The following KBTBD11 variants were observed in gnomAD, a reference collection of about 807,000 sequenced individuals.
KBTBD11 encodes kelch repeat and BTB domain-containing protein 11.
For synonymous variants in KBTBD11, 747 were observed against 499.0 expected (o/e 1.50, Z -6.63); for missense variants, 1,390 against 1,001.8 (o/e 1.39, Z -5.23).
At chr8:1,997,782 G>C (rs1392107811) in intron 1 of KBTBD11, among the ~76,000 whole-genome samples, 1 of 152,254 alleles carries the variant, frequency 6.6e-6, no homozygotes, top group Non-Finnish European at 1.5e-5. Flanking sequence ...CTCCCAGTGA[G>C]AGTGCGACGC....
At position 2,001,169 on chromosome 8, in the gene KBTBD11, GGCGCA is replaced by G. The variant is rs887296411; in HGVS notation, c.-16_-12del. On this transcript the variant is annotated 5_prime_UTR_variant, in exon 2 of 2. Transcript: ENST00000320248. ...CAGGCTGCGGAACCGGGGGCGCGCG[GGCGCA>G]GCGCAGCACAGCCCGGCCATGGAGC... is the stretch of plus-strand genomic sequence containing the variant. 10 of 1,298,780 alleles carry G rather than the reference GGCGCA, an allele frequency of 7.7e-6. No homozygotes were observed. The highest frequency in any genetic ancestry group is 3.1e-5 in the African/African-American group (2 of 64,728). 80.5% of individuals were successfully genotyped at this position (1,298,780 alleles called of 1,614,324 possible).
Position 2,001,143 on chromosome 8 carries a change from G to A in KBTBD11, c.-50G>A. On this transcript the variant is annotated 5_prime_UTR_variant, in exon 2 of 2. Transcript: ENST00000320248. ...GTAAGGCTCGACCTTGGCCAGACCT[G>A]CAGGCTGCGGAACCGGGGGCGCGCG... 7.7e-7 allele frequency: 1 copy of A among 1,293,864 alleles called. No individual in the cohort carries two copies. Among genetic ancestry groups the A allele is most frequent in the Non-Finnish European group, 9.8e-7 (1 of 1,021,792 alleles). 80.1% of individuals were successfully genotyped at this position (1,293,864 alleles called of 1,614,324 possible). A position where few individuals can be genotyped will look rare whatever the true frequency, so the allele number is the denominator to read the frequency against.
chr8:1,998,088 TCCA>T (rs1307531205), intron 1 of KBTBD11, among the ~76,000 whole-genome samples: 1 of 152,236 alleles, frequency 6.6e-6, no homozygotes, highest in Non-Finnish European at 1.5e-5. Flanking sequence ...CTGAAAATGC[TCCA>T]AAATCTGAAC....
intron 1 of KBTBD11, among the ~76,000 whole-genome samples, chr8:1,982,143 T>C (rs1485918414): frequency 6.6e-6 from 1 of 152,228 alleles, no homozygotes; most frequent in Non-Finnish European, 1.5e-5. Flanking sequence ...GTTAAAAGTA[T>C]AGAGTTATTT....
intron 1 of KBTBD11, among the ~76,000 whole-genome samples, chr8:1,985,588 T>C (rs1041129619): frequency 2.6e-5 from 4 of 152,274 alleles, no homozygotes; most frequent in East Asian, 1.9e-4. Flanking sequence ...TTTGTGAGAC[T>C]GAACTGTTCT....
chr8:1,996,867 T>TA (rs1352490822), intron 1 of KBTBD11, among the ~76,000 whole-genome samples: 1 of 152,182 alleles, frequency 6.6e-6, no homozygotes, highest in East Asian at 1.9e-4. Context: ...AGAAGAAACT[T>TA]ACATCTTCTG....
chr8:2,001,281 C>A lies in KBTBD11; in HGVS notation c.89C>A (p.Pro30Gln). The stretch of plus-strand genomic sequence containing the variant: ...AGCGAGAGCGAGGGCGCCGCGTCCC[C>A]GGCGCAGACACCCTGCAGTCTCGGC... ...GESESEGAAS[P>Q]AQTPCSLGAS... The change falls in exon 2 of 2, where the codon CCG becomes CAG. Residue 30 changes from proline to glutamine, a missense_variant. Physicochemically the swap from Pro to Gln is moderately conservative, Grantham distance 76. Transcript: ENST00000320248. 6.6e-7 allele frequency: 1 copy of A among 1,520,470 alleles called. No individual in the cohort carries two copies. The highest frequency in any genetic ancestry group is 2.6e-5 in the East Asian group (1 of 38,162). The allele number at this position is 1,520,470 out of a possible 1,614,324, so 94.2% of individuals were successfully genotyped here.
chr8:1,974,610 C>G, intron 1 of KBTBD11: 1 of 985,068 alleles, frequency 1.0e-6, no homozygotes, highest in Non-Finnish European at 1.2e-6. Flanking sequence ...GACCCACCCG[C>G]CCCACCGCGC....
intron 1 of KBTBD11, among the ~76,000 whole-genome samples, chr8:1,985,096 AG>A (rs1480583411): frequency 6.6e-6 from 1 of 152,214 alleles, no homozygotes; most frequent in Non-Finnish European, 1.5e-5. Context: ...GCCCTTCTGT[AG>A]GAACTCCTGT....
intron 1 of KBTBD11, among the ~76,000 whole-genome samples, chr8:1,987,814 T>A (rs190319182): frequency 6.6e-6 from 1 of 152,212 alleles, no homozygotes; most frequent in East Asian, 1.9e-4. Context: ...ACATGTGCCA[T>A]GTTGGTTTGC....
chr8:1,980,008 T>G (rs12546487), intron 1 of KBTBD11, among the ~76,000 whole-genome samples: 30,361 of 152,146 alleles, frequency 0.2, 3,344 homozygotes, highest in African/African-American at 0.29. Context: ...TGCTGAATCT[T>G]TTCCCTGTAG....
rs1267643387 is a variant in KBTBD11 at position 1,976,732 on chromosome 8, G to T, written c.-909+2797G>T. ...TAGGTAATAACACACGGAGATGAGT[G>T]CGTTGAAGGAGAGGAATACATTCCC... On this transcript the variant is annotated intron_variant, in intron 1 of 1. Coordinates refer to ENST00000320248, the MANE Select transcript of KBTBD11 (RefSeq NM_014867.3). Among the ~76,000 whole-genome samples the T allele has an allele frequency of 3.9e-5, 6 of 152,306 alleles. No individual in the cohort carries two copies. The East Asian group carries it at 1.2e-3, about 29-fold the overall frequency.
In KBTBD11 at chr8:2,001,831, C is replaced by T; in HGVS notation, c.639C>T (p.Arg213=). Residue 213 remains arginine (R), a synonymous_variant, in exon 2 of 2, where the codon CGC becomes CGT. Coordinates refer to ENST00000320248, the MANE Select transcript of KBTBD11 (RefSeq NM_014867.3). The part of the protein sequence containing the change: ...NVAEVVAGAR[R]LQLPGAAQRA... ...CCGAGGTGGTGGCCGGCGCGCGCCG[C>T]CTGCAGCTGCCCGGCGCCGCGCAGC... 3.3e-6 allele frequency: 4 copies of T among 1,216,660 alleles called. No individual in the cohort carries two copies. The highest frequency in any genetic ancestry group is 4.1e-6 in the Non-Finnish European group (4 of 981,606). 75.4% of individuals were successfully genotyped at this position (1,216,660 alleles called of 1,614,324 possible).
intron 1 of KBTBD11, among the ~76,000 whole-genome samples, chr8:1,993,835 C>T (rs1001717120): frequency 7.9e-5 from 12 of 151,620 alleles, no homozygotes; most frequent in African/African-American, 2.9e-4. Context: ...AGCAAGAATT[C>T]TGCTTCTCAA....
At chr8:1,979,000 C>T (rs1193973225) in intron 1 of KBTBD11, among the ~76,000 whole-genome samples, 2 of 152,190 alleles carry the variant, frequency 1.3e-5, no homozygotes, top group African/African-American at 4.8e-5. Flanking sequence ...CACAGGAGAA[C>T]TGCTGTAGGC....
At chr8:1,985,474 C>T (rs575225421) in intron 1 of KBTBD11, among the ~76,000 whole-genome samples, 14 of 152,392 alleles carry the variant, frequency 9.2e-5, no homozygotes, top group East Asian at 1.9e-4. Context: ...TCTGTCCTGG[C>T]GCCCGGCGCC....
At chr8:1,977,707 T>G (rs1386103929) in intron 1 of KBTBD11, among the ~76,000 whole-genome samples, 2 of 143,602 alleles carry the variant, frequency 1.4e-5, no homozygotes, top group African/African-American at 5.2e-5. Context: ...TATTTTTTTT[T>G]GTAGTTTTAG....
chr8:1,984,925 A>G (rs960465401), intron 1 of KBTBD11, among the ~76,000 whole-genome samples: 2 of 152,210 alleles, frequency 1.3e-5, no homozygotes, highest in East Asian at 3.9e-4. Flanking sequence ...AAAGCCCAAC[A>G]TAAGGGTGTT....
chr8:1,978,965 C>T (rs1485826822), intron 1 of KBTBD11, among the ~76,000 whole-genome samples: 1 of 152,204 alleles, frequency 6.6e-6, no homozygotes, highest in Admixed American at 6.5e-5. Flanking sequence ...CCACCCCCAG[C>T]CCACAGTGCA....
Sources: gnomAD v4.1 joint callset for allele counts (sites outside exome capture counted in the v4.1 genomes callset) on GRCh38, gnomAD v4.1.1 for gene constraint, MANE v1.5 for transcripts, NCBI Gene and HGNC (gene_info 2026-07-23, HGNC 2026-07-21) for gene names.